MRM1: variants seen among roughly 807,000 people sequenced by gnomAD.
The protein encoded by MRM1 is rRNA methyltransferase 1, mitochondrial.
Under a neutral mutation model 25.0 loss-of-function variants are expected in MRM1, and 24 were observed. The observed-to-expected ratio is 0.96, with a 90% CI of 0.69 to 1.35. MRM1 has a LOEUF of 1.35. Among genes scored for constraint, MRM1 ranks in the 40% most tolerant of loss-of-function variants. The pLI, the probability that MRM1 is intolerant of heterozygous loss-of-function variation, is 0.00. For synonymous variants in MRM1, 188 were observed against 199.2 expected (o/e 0.94, Z 0.47); for missense variants, 431 against 464.1 (o/e 0.93, Z 0.65).
At chr17:36,622,067 C>T in the MRM1 span, among the ~76,000 whole-genome samples, 1 of 152,086 alleles carries the variant, frequency 6.6e-6, no homozygotes, top group Non-Finnish European at 1.5e-5. Flanking sequence ...TCTGGATGCT[C>T]TGCTGCCCAT....
At chr17:36,625,010 T>C in the MRM1 span, among the ~76,000 whole-genome samples, 5 of 152,168 alleles carry the variant, frequency 3.3e-5, no homozygotes, top group African/African-American at 1.2e-4. Context: ...CCAAAGCTGC[T>C]TGAGTCAGGG....
At chr17:36,630,829 AC>A in the MRM1 span, among the ~76,000 whole-genome samples, 1 of 152,142 alleles carries the variant, frequency 6.6e-6, no homozygotes, top group Non-Finnish European at 1.5e-5. Flanking sequence ...TATTTGGTTA[AC>A]AAATGTTCCA....
At chr17:36,629,805 C>A in the MRM1 span, among the ~76,000 whole-genome samples, 1 of 152,172 alleles carries the variant, frequency 6.6e-6, no homozygotes, top group Non-Finnish European at 1.5e-5. Context: ...GGAAGGTTGT[C>A]CTCTCATTGA....
At chr17:36,625,052 G>T in the MRM1 span, among the ~76,000 whole-genome samples, 7 of 152,188 alleles carry the variant, frequency 4.6e-5, no homozygotes, top group African/African-American at 1.7e-4. Flanking sequence ...GGTGTGTAAA[G>T]GTAAGAAAAA....
the MRM1 span, among the ~76,000 whole-genome samples, chr17:36,616,160 C>T: frequency 2.0e-5 from 3 of 152,214 alleles, no homozygotes; most frequent in African/African-American, 7.2e-5. Context: ...CAGGTCCCAC[C>T]ACAGGGCCAG....
At chr17:36,624,602 A>G in the MRM1 span, among the ~76,000 whole-genome samples, 1 of 152,108 alleles carries the variant, frequency 6.6e-6, no homozygotes, top group South Asian at 2.1e-4. The surrounding 1 kb of genome is among the most constrained non-coding windows in gnomAD (Gnocchi z 4.0). Flanking sequence ...GGTGGAGGGG[A>G]TGCTGGATAG....
At position 36,608,425 on chromosome 17, in the gene MRM1, T is replaced by C. The variant is rs746307287; in HGVS notation, c.*10T>C. 6.6e-7 allele frequency: 1 copy of C among 1,514,936 alleles called. No homozygotes were observed. Among genetic ancestry groups the C allele is most frequent in the South Asian group, 1.4e-5 (1 of 73,162 alleles). 93.8% of individuals were successfully genotyped at this position (1,514,936 alleles called of 1,614,324 possible). ...GCAAAATGAGGGCTGACGTGGACTG[T>C]CCACAGTGTTCATGTGCTGGAGTCA... is the stretch of plus-strand genomic sequence containing the variant. On this transcript the variant is annotated 3_prime_UTR_variant, in exon 5 of 5. Transcript: ENST00000614766.
chr17:36,609,908 A>C (rs1411028203), downstream of MRM1, among the ~76,000 whole-genome samples: 2 of 152,096 alleles, frequency 1.3e-5, no homozygotes, highest in East Asian at 3.9e-4. Context: ...GCAACACTTA[A>C]AGTTGTTTAA....
At chr17:36,609,219 C>T (rs900106605), downstream of MRM1, among the ~76,000 whole-genome samples, 30 of 152,160 alleles carry the variant, frequency 2.0e-4, no homozygotes, top group Non-Finnish European at 7.4e-5. Flanking sequence ...CTCCTCCCCT[C>T]GGGTCCCAGG....
the MRM1 span, among the ~76,000 whole-genome samples, chr17:36,624,706 T>A: frequency 6.6e-6 from 1 of 152,074 alleles, no homozygotes; most frequent in Non-Finnish European, 1.5e-5. This position sits in a 1 kb window ranked among gnomAD's most constrained non-coding sequence, Gnocchi z 4.0. Flanking sequence ...AGCTTTGGGG[T>A]CAGACACACC....
At chr17:36,619,725 T>C in the MRM1 span, among the ~76,000 whole-genome samples, 1 of 152,132 alleles carries the variant, frequency 6.6e-6, no homozygotes, top group African/African-American at 2.4e-5. Flanking sequence ...GAAGTGGGAT[T>C]GCTGATCCGA....
rs757133378 is a variant in MRM1, at chr17:36,602,323, G to A, written c.513G>A (p.Val171=). ...TGCGTTCCGCACACTTCCTCGGAGT[G>A]GATAAGGTCATCACCAGCCGGAGAA... ...AVLRSAHFLG[V]DKVITSRRNS... is the part of the protein sequence containing the mutation. Residue 171 remains valine, a synonymous_variant, in exon 1 of 5, where the codon GTG becomes GTA. Transcript: ENST00000614766. The surrounding 1 kb of genome is among the most constrained non-coding windows in gnomAD (Gnocchi z 4.1). The A allele has an allele frequency of 2.5e-6, 4 of 1,576,094 alleles. No individual in the cohort carries two copies. Among genetic ancestry groups the A allele is most frequent in the Non-Finnish European group, 3.5e-6 (4 of 1,157,226 alleles).
At chr17:36,630,846 G>A in the MRM1 span, among the ~76,000 whole-genome samples, 1 of 152,176 alleles carries the variant, frequency 6.6e-6, no homozygotes, top group Non-Finnish European at 1.5e-5. Context: ...TTCCACAAAC[G>A]CTCAGTGAGA....
chr17:36,616,377 T>C, the MRM1 span, among the ~76,000 whole-genome samples: 9 of 152,196 alleles, frequency 5.9e-5, no homozygotes, highest in Admixed American at 4.6e-4. Context: ...GTCTTGCTTC[T>C]CTGAAACAAG....
chr17:36,604,233 C>T (rs377395694), intron 2 of MRM1, among the ~76,000 whole-genome samples: 83 of 152,322 alleles, frequency 5.4e-4, no homozygotes, highest in African/African-American at 2.0e-3. Context: ...CCAGTCAGCT[C>T]TTCCTCTCAC....
At chr17:36,618,646 C>T in the MRM1 span, among the ~76,000 whole-genome samples, 50,765 of 151,980 alleles carry the variant, frequency 0.33, 9,918 homozygotes, top group African/African-American at 0.55. Flanking sequence ...GGCTGGGTGC[C>T]ACTGGGAGCG....
At chr17:36,623,158 C>A in the MRM1 span, among the ~76,000 whole-genome samples, 4 of 152,220 alleles carry the variant, frequency 2.6e-5, no homozygotes, top group Admixed American at 6.5e-5. Context: ...GTGTGTTCTC[C>A]CTGCAGCCTC....
chr17:36,632,965 T>C, the MRM1 span, among the ~76,000 whole-genome samples: 2 of 152,278 alleles, frequency 1.3e-5, no homozygotes, highest in East Asian at 3.9e-4. Context: ...AAAGGGTAAG[T>C]GCGGTAAAAC....
the MRM1 span, among the ~76,000 whole-genome samples, chr17:36,622,454 C>G: frequency 6.6e-6 from 1 of 152,018 alleles, no homozygotes; most frequent in African/African-American, 2.4e-5. Context: ...CACCTGTAAT[C>G]CCAGCTACTC....
Sources: gnomAD v4.1 joint callset for allele counts (sites outside exome capture counted in the v4.1 genomes callset) on GRCh38, gnomAD v4.1.1 for gene constraint, Gnocchi (gnomAD v3.1) non-coding constraint, MANE v1.5 for transcripts, NCBI Gene and HGNC (gene_info 2026-07-23, HGNC 2026-07-21) for gene names.